Variants in COPS7A observed in about 807,000 individuals in gnomAD.
COPS7A encodes COP9 signalosome subunit 7A.
Under a neutral mutation model 35.2 loss-of-function variants are expected in COPS7A, and 20 were observed. The ratio of observed to expected loss-of-function variants is 0.57; its 90% CI spans 0.40 to 0.83. The LOEUF is 0.83. Among genes scored for constraint, COPS7A ranks in the 40% least tolerant of loss-of-function variants. The pLI, the probability that COPS7A is intolerant of heterozygous loss-of-function variation, is 0.00. For missense variants in COPS7A, 247 were observed against 347.5 expected (o/e 0.71, Z 2.30); for synonymous variants, 139 against 141.4 (o/e 0.98, Z 0.12).
chr12:6,727,864 G>T, intron 2 of COPS7A, 62 bp from the exon 3 acceptor site: 2 of 1,526,544 alleles, frequency 1.3e-6, no homozygotes, highest in South Asian at 2.2e-5. Flanking sequence ...TCCAAACAGG[G>T]TAAGGCTGGG....
intron 7 of COPS7A, 30 bp from the exon 8 acceptor site, chr12:6,730,970 C>G (rs1941379077): frequency 6.2e-7 from 1 of 1,604,010 alleles, no homozygotes; most frequent in Non-Finnish European, 8.5e-7. Context: ...TTCTCTCTCT[C>G]TCTCTCTTTC....
At position 6,724,085 on chromosome 12, in the gene COPS7A, C is replaced by T; in HGVS notation, c.-138C>T. 8.3e-6 allele frequency: 2 copies of T among 241,304 alleles called. No individual in the cohort carries two copies. The highest frequency in any genetic ancestry group is 1.7e-5 in the Non-Finnish European group (2 of 118,782). 14.9% of individuals were successfully genotyped at this position (241,304 alleles called of 1,614,324 possible). On this transcript the variant is annotated 5_prime_UTR_variant, in exon 1 of 8. Coordinates refer to ENST00000543155, the MANE Select transcript of COPS7A (RefSeq NM_001164094.2). The stretch of plus-strand genomic sequence containing the variant: ...CTCTTCAGGGAGGTGGCAGGAAAGG[C>T]TTGGAACAGCTGCCGGAGGTGACGG...
chr12:6,730,246 A>G (rs1941358629), intron 5 of COPS7A, among the ~76,000 whole-genome samples, 156 bp from the exon 6 acceptor site: 1 of 152,106 alleles, frequency 6.6e-6, no homozygotes, highest in Non-Finnish European at 1.5e-5. Flanking sequence ...TGAACTCCTG[A>G]GCTTAAGCAA....
rs558101629 is a variant in COPS7A, at chr12:6,724,175, C to G, written c.-48C>G. The G allele has an allele frequency of 3.6e-6, 1 of 273,982 alleles. No homozygotes were observed. The highest frequency in any genetic ancestry group is 1.5e-4 in the East Asian group (1 of 6,846). 17.0% of individuals were successfully genotyped at this position (273,982 alleles called of 1,614,324 possible). A position where few individuals can be genotyped will look rare whatever the true frequency, so the allele number is the denominator to read the frequency against. On this transcript the variant is annotated 5_prime_UTR_variant, in exon 1 of 8. Coordinates refer to ENST00000543155, the MANE Select transcript of COPS7A (RefSeq NM_001164094.2). Reference sequence around the variant, plus strand: ...CAGGTAGCGGCCCGCAGAGCCTGACCCAGGGTACGACGAAGCAGTCGGCGG... The same window carrying G: ...CAGGTAGCGGCCCGCAGAGCCTGACGCAGGGTACGACGAAGCAGTCGGCGG...
intron 1 of COPS7A, 23 bp downstream of exon 1, chr12:6,724,202 A>T (rs985582852): frequency 8.1e-5 from 22 of 272,096 alleles, no homozygotes; most frequent in Non-Finnish European, 1.6e-4. Context: ...AGTCGGCGGG[A>T]GCCCACGGTC....
At chr12:6,727,134 C>T (rs1004872195) in intron 2 of COPS7A, among the ~76,000 whole-genome samples, 2 of 152,030 alleles carry the variant, frequency 1.3e-5, no homozygotes, top group African/African-American at 4.8e-5. Context: ...GTCAGGAGTT[C>T]GAGACCAGCC....
At chr12:6,727,637 T>G (rs755843290) in intron 2 of COPS7A, 11 of 554,642 alleles carry the variant, frequency 2.0e-5, no homozygotes, top group South Asian at 1.4e-4. Flanking sequence ...TCTGTTTGAC[T>G]CTGAAAACTG....
Position 6,729,449 on chromosome 12 carries a change from G to T in COPS7A, c.530G>T (p.Trp177Leu). ...GCCATTGCCCGAACCCTGCAGGAAT[G>T]GTGAGAACCGTATCCTGGCACTGTC... is the stretch of plus-strand genomic sequence containing the variant. ...LSAIARTLQE[W>L]CVGCEVVLSG... The change falls in exon 5 of 8, where the codon TGG becomes TTG. Residue 177 changes from tryptophan (W) to leucine (L), a missense_variant and splice_region_variant. Coordinates refer to ENST00000543155, the MANE Select transcript of COPS7A (RefSeq NM_001164094.2). The surrounding 1 kb of genome is among the most constrained non-coding windows in gnomAD (Gnocchi z 4.2). 2 of 1,613,022 alleles carry T rather than the reference G, an allele frequency of 1.2e-6. No individual in the cohort carries two copies. Among genetic ancestry groups the T allele is most frequent in the Non-Finnish European group, 1.7e-6 (2 of 1,180,006 alleles).
Position 6,731,278 on chromosome 12 carries a change from C to T in COPS7A, c.*239C>T. 6.9e-7 allele frequency: 1 copy of T among 1,439,322 alleles called. No individual in the cohort carries two copies. The highest frequency in any genetic ancestry group is 1.5e-5 in the South Asian group (1 of 66,724). The allele number at this position is 1,439,322 out of a possible 1,614,324, so 89.2% of individuals were successfully genotyped here. On this transcript the variant is annotated 3_prime_UTR_variant, in exon 8 of 8. Transcript: ENST00000543155. ...CATGTGTTCCATTGCTCCCCGCTGC[C>T]ATGCTCTCTCCCTTGTTTCCTTAAG...
intron 4 of COPS7A, 113 bp downstream of exon 4, chr12:6,728,424 T>C: frequency 1.4e-6 from 1 of 737,402 alleles, no homozygotes; most frequent in South Asian, 1.8e-5. Flanking sequence ...CCTCCCCTCC[T>C]CCAAGGTCTG....
At chr12:6,724,416 C>A in intron 1 of COPS7A, 198 bp from the exon 2 acceptor site, 1 of 568,198 alleles carries the variant, frequency 1.8e-6, no homozygotes. Flanking sequence ...TGGGGTTAGG[C>A]CCAGGGGAGG....
At chr12:6,730,256 A>G (rs1368765829) in intron 5 of COPS7A, 146 bp from the exon 6 acceptor site, 1 of 681,392 alleles carries the variant, frequency 1.5e-6, no homozygotes, top group Non-Finnish European at 2.6e-6. Flanking sequence ...AGCTTAAGCA[A>G]TTCGCCCATC....
At position 6,727,867 on chromosome 12, in the gene COPS7A, A is replaced by G. The variant is rs149256156; in HGVS notation, c.163-59A>G. On this transcript the variant is annotated intron_variant, in intron 2 of 7. Transcript: ENST00000543155. ...AAAAAGTGGAGTTCCAAACAGGGTA[A>G]GGCTGGGAGGGTGGAGAGGGAAGAC... 1.7e-5 allele frequency: 26 copies of G among 1,536,306 alleles called. No individual in the cohort carries two copies. In the African/African-American group the frequency reaches 3.1e-4, roughly 19 times the overall value.
In COPS7A at chr12:6,724,149, C is replaced by A; in HGVS notation, c.-74C>A. ...CCCGGTGCGCTGGAGGTCGAAGCTT[C>A]CAGGTAGCGGCCCGCAGAGCCTGAC... On this transcript the variant is annotated 5_prime_UTR_variant, in exon 1 of 8. Coordinates refer to ENST00000543155, the MANE Select transcript of COPS7A (RefSeq NM_001164094.2). 4.0e-6 allele frequency: 1 copy of A among 249,026 alleles called. No homozygotes were observed. The highest frequency in any genetic ancestry group is 3.4e-5 in the South Asian group (1 of 29,518). 15.4% of individuals were successfully genotyped at this position (249,026 alleles called of 1,614,324 possible).
rs896196797 is a variant in COPS7A, at chr12:6,728,447, A to G, written c.327+136A>G. ...CCTCCAAGGTCTGTATATAAACTCC[A>G]TTAGCAACTGTTTAGGCTGATAGTA... On this transcript the variant is annotated intron_variant, in intron 4 of 7. Coordinates refer to ENST00000543155, the MANE Select transcript of COPS7A (RefSeq NM_001164094.2). 4.5e-5 allele frequency: 27 copies of G among 596,480 alleles called. 1 individual carries two copies. The South Asian group carries it at 6.0e-4, about 13-fold the overall frequency. The allele number at this position is 596,480 out of a possible 1,614,324, so 36.9% of individuals were successfully genotyped here. A position where few individuals can be genotyped will look rare whatever the true frequency, so the allele number is the denominator to read the frequency against.
Position 6,729,460 on chromosome 12 carries a change from T to C in COPS7A, c.530+11T>C, listed in dbSNP as rs533529876. On this transcript the variant is annotated intron_variant, in intron 5 of 7. Coordinates refer to ENST00000543155, the MANE Select transcript of COPS7A (RefSeq NM_001164094.2). This position sits in a 1 kb window ranked among gnomAD's most constrained non-coding sequence, Gnocchi z 4.2. ...AACCCTGCAGGAATGGTGAGAACCG[T>C]ATCCTGGCACTGTCCCCTTCTCACC... The C allele has an allele frequency of 1.2e-4, 190 of 1,611,652 alleles. 1 individual carries two copies. The South Asian group carries it at 2.0e-3, about 17-fold the overall frequency.
At chr12:6,726,872 C>T (rs1941271039) in intron 2 of COPS7A, among the ~76,000 whole-genome samples, 1 of 152,118 alleles carries the variant, frequency 6.6e-6, no homozygotes, top group Non-Finnish European at 1.5e-5. Flanking sequence ...AGCTTGCATT[C>T]CAGTTGAAGA....
chr12:6,730,545 C>T, intron 6 of COPS7A, 38 bp downstream of exon 6: 1 of 1,611,762 alleles, frequency 6.2e-7, no homozygotes, highest in East Asian at 2.2e-5. Context: ...CAAACTCCTC[C>T]AGCCTGGGCG....
At chr12:6,726,484 C>T (rs1369329390) in intron 2 of COPS7A, among the ~76,000 whole-genome samples, 1 of 151,892 alleles carries the variant, frequency 6.6e-6, no homozygotes, top group African/African-American at 2.4e-5. Context: ...CGCCTGTAAT[C>T]CCAGCTACTC....
Sources: allele counts gnomAD v4.1 joint callset (sites outside exome capture counted in the v4.1 genomes callset), GRCh38; gene constraint gnomAD v4.1.1; non-coding constraint Gnocchi (gnomAD v3.1); transcripts MANE v1.5; gene names NCBI Gene and HGNC (gene_info 2026-07-23, HGNC 2026-07-21).